Variants in SDCCAG8 observed in about 807,000 individuals in gnomAD.
SDCCAG8 encodes the protein serologically defined colon cancer antigen 8.
Under a neutral mutation model 101.8 loss-of-function variants are expected in SDCCAG8, and 74 were observed. The observed-to-expected ratio is 0.73, with a 90% CI of 0.60 to 0.88. The LOEUF is 0.88. SDCCAG8 is among the 40% of genes least tolerant of loss of function. SDCCAG8 has a pLI of 0.00. For missense variants in SDCCAG8, 787 were observed against 822.6 expected (o/e 0.96, Z 0.53); for synonymous variants, 281 against 292.9 (o/e 0.96, Z 0.41).
At chr1:243,311,928 C>A (rs959594051) in intron 8 of SDCCAG8, among the ~76,000 whole-genome samples, 1 of 152,124 alleles carries the variant, frequency 6.6e-6, no homozygotes, top group Non-Finnish European at 1.5e-5. Context: ...GTTATGTATT[C>A]CTTTGTCTCT....
chr1:243,342,973 C>T (rs1035081280), intron 11 of SDCCAG8, among the ~76,000 whole-genome samples: 5 of 152,116 alleles, frequency 3.3e-5, no homozygotes, highest in African/African-American at 1.2e-4. Flanking sequence ...TGTTTGGAGA[C>T]AGGATCTTGT....
At chr1:243,278,587 A>G (rs368964330) in intron 4 of SDCCAG8, among the ~76,000 whole-genome samples, 28 of 152,312 alleles carry the variant, frequency 1.8e-4, no homozygotes, top group African/African-American at 6.7e-4. Context: ...TATTGCTAAT[A>G]TAGAAGAAAA....
chr1:243,295,188 C>T (rs2070745534), intron 6 of SDCCAG8, among the ~76,000 whole-genome samples: 1 of 152,148 alleles, frequency 6.6e-6, no homozygotes, highest in African/African-American at 2.4e-5. Flanking sequence ...CAATTTGCGT[C>T]AAACTAATGT....
chr1:243,487,853 G>C, intron 16 of SDCCAG8: 1 of 152,770 alleles, frequency 6.5e-6, no homozygotes, highest in East Asian at 1.9e-4. Flanking sequence ...GACAACGCTG[G>C]GTGTGGCTGA....
At chr1:243,438,147 C>T (rs945018115) in intron 16 of SDCCAG8, among the ~76,000 whole-genome samples, 3 of 152,162 alleles carry the variant, frequency 2.0e-5, no homozygotes, top group Admixed American at 2.0e-4. Flanking sequence ...TTTGCCCCGC[C>T]TTCAATCTTT....
chr1:243,267,822 G>C, intron 1 of SDCCAG8: 1 of 856,166 alleles, frequency 1.2e-6, no homozygotes, highest in Non-Finnish European at 2.1e-6. Flanking sequence ...GTTATACAAG[G>C]GATACACTTG....
chr1:243,494,464 A>G (rs1034019374), intron 17 of SDCCAG8, among the ~76,000 whole-genome samples: 37 of 152,334 alleles, frequency 2.4e-4, no homozygotes, highest in Non-Finnish European at 5.1e-4. Context: ...AAAATGACAC[A>G]AGACCCTGGG....
chr1:243,418,453 G>A (rs1489838999), intron 15 of SDCCAG8, among the ~76,000 whole-genome samples: 5 of 152,160 alleles, frequency 3.3e-5, no homozygotes, highest in African/African-American at 1.2e-4. Context: ...CACAAAAGCT[G>A]TCTTTAGGTT....
chr1:243,478,007 T>G (rs1391216331), intron 16 of SDCCAG8, among the ~76,000 whole-genome samples: 1 of 152,208 alleles, frequency 6.6e-6, no homozygotes, highest in Non-Finnish European at 1.5e-5. Context: ...TACAATAGAT[T>G]GGAAATTTTA....
rs1037009232 is a variant in SDCCAG8, at chr1:243,499,925, C to T, written c.*140C>T. 1.0e-5 allele frequency: 8 copies of T among 777,786 alleles called. No homozygotes were observed. The highest frequency in any genetic ancestry group is 4.0e-5 in the Admixed American group (2 of 50,408). The allele number at this position is 777,786 out of a possible 1,614,324, so 48.2% of individuals were successfully genotyped here. A position where few individuals can be genotyped will look rare whatever the true frequency, so the allele number is the denominator to read the frequency against. On this transcript the variant is annotated 3_prime_UTR_variant, in exon 18 of 18. Coordinates refer to ENST00000366541, the MANE Select transcript of SDCCAG8 (RefSeq NM_006642.5). ...CTGCAGTGGGGCTGGTCCTCATCAACGCGGGCGCTGTCCCCGCACGCAGTC... is the reference window on the plus strand; with the variant it reads ...CTGCAGTGGGGCTGGTCCTCATCAATGCGGGCGCTGTCCCCGCACGCAGTC...
At chr1:243,415,883 C>G in intron 14 of SDCCAG8, 54 bp downstream of exon 14, 1 of 1,598,086 alleles carries the variant, frequency 6.3e-7, no homozygotes, top group Non-Finnish European at 8.5e-7. Flanking sequence ...GTCAGGCCCA[C>G]GCCTTACTGT....
At chr1:243,479,331 C>T (rs1427034168) in intron 16 of SDCCAG8, among the ~76,000 whole-genome samples, 4 of 152,084 alleles carry the variant, frequency 2.6e-5, no homozygotes, top group Admixed American at 6.6e-5. Flanking sequence ...CTTCTAGCCC[C>T]GAGGCTGGCA....
chr1:243,471,414 C>G (rs1274046340), intron 16 of SDCCAG8, among the ~76,000 whole-genome samples: 2 of 152,196 alleles, frequency 1.3e-5, no homozygotes, highest in Non-Finnish European at 2.9e-5. Flanking sequence ...AACTTTTCAA[C>G]TTATTACGCT....
chr1:243,353,981 C>G (rs981188614), intron 12 of SDCCAG8, among the ~76,000 whole-genome samples: 1 of 152,114 alleles, frequency 6.6e-6, no homozygotes, highest in Non-Finnish European at 1.5e-5. Flanking sequence ...TGACAATTAT[C>G]TTGATTTGTG....
At chr1:243,478,686 G>GT (rs922371470) in intron 16 of SDCCAG8, among the ~76,000 whole-genome samples, 45 of 152,214 alleles carry the variant, frequency 3.0e-4, no homozygotes, top group African/African-American at 1.0e-3. Context: ...CTAAAAGTGC[G>GT]TTAATGTCAC....
chr1:243,456,195 G>T (rs912802577), intron 16 of SDCCAG8, among the ~76,000 whole-genome samples: 4 of 152,070 alleles, frequency 2.6e-5, no homozygotes, highest in Non-Finnish European at 2.9e-5. Context: ...TCCCTGTTTT[G>T]GTTTACTGAA....
chr1:243,310,865 G>A (rs2072654236), intron 8 of SDCCAG8, among the ~76,000 whole-genome samples: 2 of 152,146 alleles, frequency 1.3e-5, no homozygotes, highest in South Asian at 4.1e-4. Context: ...TATTCTATTA[G>A]TATTTGAGGA....
rs192836438 is a variant in SDCCAG8 at position 243,307,079 on chromosome 1, G to A, written c.741-910G>A. Among the ~76,000 whole-genome samples, 450 of 145,950 alleles carry A rather than the reference G, an allele frequency of 3.1e-3. 4 individuals are homozygous for A. Among genetic ancestry groups the A allele is most frequent in the African/African-American group, 0.011 (439 of 39,354 alleles). ...TTTTTTTGTTTTTTTTTTTTTTGAA[G>A]TACAAAAGAACCATCTAGGCAAGGA... On this transcript the variant is annotated intron_variant, in intron 7 of 17. Coordinates refer to ENST00000366541, the MANE Select transcript of SDCCAG8 (RefSeq NM_006642.5).
intron 16 of SDCCAG8, among the ~76,000 whole-genome samples, chr1:243,444,878 T>C (rs2148108659): frequency 6.6e-6 from 1 of 152,350 alleles, no homozygotes; most frequent in Admixed American, 6.5e-5. Context: ...TCTAAAAGTT[T>C]GTTTTTTGTT....
Sources: gnomAD v4.1 joint callset for allele counts (sites outside exome capture counted in the v4.1 genomes callset) on GRCh38, gnomAD v4.1.1 for gene constraint, MANE v1.5 for transcripts, NCBI Gene and HGNC (gene_info 2026-07-23, HGNC 2026-07-21) for gene names.